Variants in MKS1 observed in about 807,000 individuals in gnomAD.
MKS1 encodes MKS transition zone complex subunit 1, also known as tectonic-like complex member MKS1.
A neutral mutation model predicts 83.7 loss-of-function variants in MKS1; 70 were observed. The ratio of observed to expected loss-of-function variants is 0.84; its 90% CI spans 0.69 to 1.02. MKS1 has a LOEUF of 1.02. Ranked by LOEUF, MKS1 falls within the 50% of genes least tolerant of loss-of-function variation. The pLI is 0.00. For missense variants in MKS1, 681 were observed against 726.9 expected (o/e 0.94, Z 0.73); for synonymous variants, 251 against 273.4 (o/e 0.92, Z 0.81).
At chr17:58,207,811 C>A in intron 14 of MKS1, 83 bp downstream of exon 14, 2 of 1,270,046 alleles carry the variant, frequency 1.6e-6, no homozygotes, top group East Asian at 2.3e-5. Context: ...TATCTCCACC[C>A]CTCACCAGAA....
chr17:58,215,990 C>G, intron 4 of MKS1, 98 bp downstream of exon 4: 1 of 1,434,826 alleles, frequency 7.0e-7, no homozygotes, highest in Non-Finnish European at 9.8e-7. Context: ...CTACTTGTCT[C>G]CCCTTACTAG....
chr17:58,219,201 G>A lies in MKS1; in HGVS notation c.30C>T (p.Thr10=), dbSNP rs576239597. 8 of 1,551,116 alleles carry A rather than the reference G, an allele frequency of 5.2e-6. No individual in the cohort carries two copies. In the South Asian group the frequency reaches 7.1e-5, roughly 14 times the overall value. ...CCCGGGAGCGATACACTGCCTCCCC[G>A]GTGTCAGTGCTCCAGACGGTCTCCG... The part of the protein sequence containing the change: MAETVWSTD[T]GEAVYRSRDP... Residue 10 remains threonine (T), a synonymous_variant, in exon 1 of 18, where the codon ACC becomes ACT. Transcript: ENST00000393119.
intron 9 of MKS1, among the ~76,000 whole-genome samples, chr17:58,211,306 G>T (rs985705746): frequency 6.6e-6 from 1 of 152,238 alleles, no homozygotes; most frequent in African/African-American, 2.4e-5. Context: ...GCAATGGGAA[G>T]CCAGAACGCC....
intron 15 of MKS1, 121 bp downstream of exon 15, chr17:58,206,964 G>T: frequency 7.1e-7 from 1 of 1,407,360 alleles, no homozygotes; most frequent in Non-Finnish European, 1.0e-6. Context: ...TAAGCCACAG[G>T]AAGGAAGGGG....
At chr17:58,212,316 CCA>C (rs1968921501) in intron 9 of MKS1, 60 bp downstream of exon 9, 1 of 1,588,758 alleles carries the variant, frequency 6.3e-7, no homozygotes, top group Non-Finnish European at 8.6e-7. Flanking sequence ...TGTAACTCAT[CCA>C]CAGTCAGAAT....
rs1014533910 is a variant in MKS1 at position 58,209,248 on chromosome 17, G to A, written c.1025-665C>T. Among the ~76,000 whole-genome samples the A allele has an allele frequency of 6.6e-6, 1 of 151,914 alleles. No homozygotes were observed. The highest frequency in any genetic ancestry group is 1.5e-5 in the Non-Finnish European group (1 of 67,990). On this transcript the variant is annotated intron_variant, in intron 11 of 17. Transcript: ENST00000393119. This position sits in a 1 kb window ranked among gnomAD's most constrained non-coding sequence, Gnocchi z 4.1. ...GAGGCGCTCCTCACTTCCCAGACGG[G>A]GCGGACAGTTTCTTTATTCATTTAT...
rs1968745802 is a variant in MKS1 at position 58,209,500 on chromosome 17, C to T, written c.1025-917G>A. On this transcript the variant is annotated intron_variant, in intron 11 of 17. Coordinates refer to ENST00000393119, the MANE Select transcript of MKS1 (RefSeq NM_017777.4). This position sits in a 1 kb window ranked among gnomAD's most constrained non-coding sequence, Gnocchi z 4.1. ...GAAGGGACTGAGTGATTGGGAGGCT[C>T]ATTTAGACTGGGTGGTAAGAGAAGG... is the stretch of plus-strand genomic sequence containing the variant. Among the ~76,000 whole-genome samples the T allele has an allele frequency of 6.6e-6, 1 of 152,150 alleles. No individual in the cohort carries two copies. Among genetic ancestry groups the T allele is most frequent in the African/African-American group, 2.4e-5 (1 of 41,430 alleles).
In MKS1 at chr17:58,208,872, G is replaced by C. The variant is rs1014082538; in HGVS notation, c.1025-289C>G. ...ATTAGGGAGTGGTGATGACTCTTAA[G>C]GAGCATGCTGCCTTCAAGCACCTGT... On this transcript the variant is annotated intron_variant, in intron 11 of 17. Coordinates refer to ENST00000393119, the MANE Select transcript of MKS1 (RefSeq NM_017777.4). Among the ~76,000 whole-genome samples the C allele has an allele frequency of 3.3e-5, 5 of 152,128 alleles. No homozygotes were observed. In the East Asian group the frequency reaches 7.7e-4, roughly 23 times the overall value.
intron 11 of MKS1, 66 bp downstream of exon 11, chr17:58,210,593 C>G: frequency 6.9e-7 from 1 of 1,450,430 alleles, no homozygotes; most frequent in Non-Finnish European, 9.7e-7. Context: ...GGAAAGGAAG[C>G]CTGACCAAAT....
intron 6 of MKS1, among the ~76,000 whole-genome samples, 154 bp downstream of exon 6, chr17:58,214,105 G>A (rs1349056707): frequency 2.0e-5 from 3 of 152,192 alleles, no homozygotes; most frequent in South Asian, 4.1e-4. Context: ...GAGGATCTGA[G>A]TTGGCAGTGA....
Position 58,209,737 on chromosome 17 carries a change from G to C in MKS1, c.1024+922C>G, listed in dbSNP as rs1350450829. Among the ~76,000 whole-genome samples the C allele has an allele frequency of 2.0e-5, 3 of 152,206 alleles. No individual in the cohort carries two copies. The highest frequency in any genetic ancestry group is 7.2e-5 in the African/African-American group (3 of 41,448). On this transcript the variant is annotated intron_variant, in intron 11 of 17. Transcript: ENST00000393119. This position sits in a 1 kb window ranked among gnomAD's most constrained non-coding sequence, Gnocchi z 4.1. Reference sequence around the variant, plus strand: ...ATCAAGTTTACATTTTACTCTAAGTGGGAGGGGAAGCTGTTGGGGTTTTCA... The same window carrying C: ...ATCAAGTTTACATTTTACTCTAAGTCGGAGGGGAAGCTGTTGGGGTTTTCA...
chr17:58,214,762 C>T lies in MKS1; in HGVS notation c.494G>A (p.Arg165His), dbSNP rs771709346. The T allele has an allele frequency of 1.0e-5, 16 of 1,606,724 alleles. No individual in the cohort carries two copies. The highest frequency in any genetic ancestry group is 1.7e-4 in the Middle Eastern group (1 of 6,058). The change falls in exon 5 of 18, where the codon CGC becomes CAC. Residue 165 changes from arginine to histidine, a missense_variant. Coordinates refer to ENST00000393119, the MANE Select transcript of MKS1 (RefSeq NM_017777.4). The part of the protein sequence containing the change: ...LVERMANVRR[R>H]RQDRRGMEGG... ...TCACATCCCTCGCCTGTCCTGCCGG[C>T]GACGCCTGACATTTGCCATTCGCTC...
intron 7 of MKS1, among the ~76,000 whole-genome samples, chr17:58,213,296 T>TG (rs556713673): frequency 3.4e-4 from 52 of 152,240 alleles, no homozygotes; most frequent in Admixed American, 1.8e-3. Flanking sequence ...GTATAGGTTC[T>TG]GGGCCCATTT....
chr17:58,206,241 C>T, intron 17 of MKS1, 42 bp downstream of exon 17: 1 of 1,613,672 alleles, frequency 6.2e-7, no homozygotes, highest in East Asian at 2.2e-5. Context: ...GAGAAACAGG[C>T]CCATGCTGAC....
At chr17:58,212,855 C>T (rs1968953764) in intron 8 of MKS1, 127 bp downstream of exon 8, 3 of 854,362 alleles carry the variant, frequency 3.5e-6, no homozygotes, top group Non-Finnish European at 4.0e-6. Flanking sequence ...GCAATGCTGC[C>T]TAAGTCAGAA....
In MKS1 at chr17:58,207,807, C is replaced by G. The variant is rs560015253; in HGVS notation, c.1273+87G>C. On this transcript the variant is annotated intron_variant, in intron 14 of 17. Coordinates refer to ENST00000393119, the MANE Select transcript of MKS1 (RefSeq NM_017777.4). ...AACATTTCCAATTCCCAATTATCTC[C>G]ACCCCTCACCAGAAGCATTCGAGTG... 36 of 1,240,818 alleles carry G rather than the reference C, an allele frequency of 2.9e-5. No homozygotes were observed. The African/African-American group carries it at 4.0e-4, about 14-fold the overall frequency. The allele number at this position is 1,240,818 out of a possible 1,614,324, so 76.9% of individuals were successfully genotyped here.
chr17:58,216,271 G>A (rs760398041), intron 3 of MKS1, 28 bp from the exon 4 acceptor site: 1 of 1,605,832 alleles, frequency 6.2e-7, no homozygotes, highest in Non-Finnish European at 8.5e-7. Flanking sequence ...AAACAGAGAT[G>A]TGTACATCAT....
chr17:58,216,251 T>A lies in MKS1; in HGVS notation c.262-8A>T. ...GTACAGATCTACTTCAAACTGAGGT[T>A]ACCATAAGGAAACAGAGATGTGTAC... On this transcript the variant is annotated splice_polypyrimidine_tract_variant and splice_region_variant and intron_variant, in intron 3 of 17. Coordinates refer to ENST00000393119, the MANE Select transcript of MKS1 (RefSeq NM_017777.4). The A allele has an allele frequency of 6.2e-7, 1 of 1,611,414 alleles. No individual in the cohort carries two copies. The highest frequency in any genetic ancestry group is 8.5e-7 in the Non-Finnish European group (1 of 1,179,838).
intron 2 of MKS1, 115 bp downstream of exon 2, chr17:58,218,505 G>A (rs986093932): frequency 8.5e-6 from 5 of 588,920 alleles, no homozygotes; most frequent in African/African-American, 2.0e-5. Flanking sequence ...GTAGGTTGCC[G>A]GGCAACTCTA....
Sources: allele counts gnomAD v4.1 joint callset (sites outside exome capture counted in the v4.1 genomes callset), GRCh38; gene constraint gnomAD v4.1.1; non-coding constraint Gnocchi (gnomAD v3.1); transcripts MANE v1.5; gene names NCBI Gene and HGNC (gene_info 2026-07-23, HGNC 2026-07-21).